Variants in RIGI observed in about 807,000 individuals in gnomAD.
RIGI encodes antiviral innate immune response receptor RIG-I.
At chr9:32,484,838 G>A in the RIGI span, among the ~76,000 whole-genome samples, 1 of 152,152 alleles carries the variant, frequency 6.6e-6, no homozygotes, top group Non-Finnish European at 1.5e-5. Flanking sequence ...ATATAAATCT[G>A]AGCCAGTAGA....
the RIGI span, chr9:32,491,291 T>TA: frequency 6.2e-7 from 1 of 1,612,664 alleles, no homozygotes; most frequent in South Asian, 1.1e-5. Flanking sequence ...GGACAAACAA[T>TA]ACCAGGTACC....
chr9:32,510,111 G>C, the RIGI span, among the ~76,000 whole-genome samples: 1 of 152,150 alleles, frequency 6.6e-6, no homozygotes, highest in African/African-American at 2.4e-5. Context: ...ACCTATGTTT[G>C]ATTGGTGTAC....
chr9:32,496,511 T>G, the RIGI span, among the ~76,000 whole-genome samples: 1 of 152,208 alleles, frequency 6.6e-6, no homozygotes, highest in Non-Finnish European at 1.5e-5. Context: ...CATCATTTCT[T>G]TTGCCCTTGG....
the RIGI span, chr9:32,467,674 C>T: frequency 1.5e-6 from 2 of 1,328,152 alleles, no homozygotes; most frequent in East Asian, 4.8e-5. Flanking sequence ...AACCATGGCT[C>T]AGTAAAGAGA....
chr9:32,516,219 CCA>C, the RIGI span, among the ~76,000 whole-genome samples: 3 of 151,224 alleles, frequency 2.0e-5, no homozygotes, highest in Non-Finnish European at 2.9e-5. Context: ...TCCTGTTTTC[CCA>C]CACAGTTACA....
chr9:32,468,001 C>T, the RIGI span: 1 of 1,405,092 alleles, frequency 7.1e-7, no homozygotes, highest in Admixed American at 2.2e-5. Flanking sequence ...AAAACAGCTA[C>T]TAATTATGGA....
the RIGI span, among the ~76,000 whole-genome samples, chr9:32,461,112 T>C: frequency 6.6e-6 from 1 of 151,136 alleles, no homozygotes; most frequent in Non-Finnish European, 1.5e-5. Flanking sequence ...GATTTGTCAT[T>C]AGAAACGATG....
chr9:32,522,957 C>T, the RIGI span, among the ~76,000 whole-genome samples: 2,996 of 152,258 alleles, frequency 0.02, 107 homozygotes, highest in African/African-American at 0.067. Context: ...GACCCCCAGG[C>T]CTCTCAAAAG....
At chr9:32,458,115 G>A in the RIGI span, among the ~76,000 whole-genome samples, 11 of 152,232 alleles carry the variant, frequency 7.2e-5, no homozygotes, top group Non-Finnish European at 1.3e-4. Flanking sequence ...GAAGACGAAC[G>A]GAACATCCTG....
the RIGI span, chr9:32,485,112 G>C: frequency 8.2e-7 from 1 of 1,216,186 alleles, no homozygotes; most frequent in Non-Finnish European, 1.2e-6. Flanking sequence ...ACAAAAAGAC[G>C]ATAGTGAACA....
the RIGI span, chr9:32,488,969 C>G: frequency 2.6e-6 from 3 of 1,150,264 alleles, no homozygotes; most frequent in Non-Finnish European, 3.6e-6. Flanking sequence ...TTTGGCTCTT[C>G]TAATACCACT....
chr9:32,465,540 T>G, the RIGI span, among the ~76,000 whole-genome samples: 14 of 152,310 alleles, frequency 9.2e-5, no homozygotes, highest in East Asian at 1.9e-3. Flanking sequence ...TACATCTCAT[T>G]TATCCTCATG....
the RIGI span, among the ~76,000 whole-genome samples, chr9:32,502,915 AC>A: frequency 6.6e-6 from 1 of 152,130 alleles, no homozygotes; most frequent in African/African-American, 2.4e-5. Flanking sequence ...CTCTAGTATG[AC>A]CTCATCGTAA....
the RIGI span, chr9:32,487,579 C>T: frequency 6.2e-7 from 1 of 1,614,046 alleles, no homozygotes; most frequent in Non-Finnish European, 8.5e-7. Context: ...TAATCCAAGG[C>T]TTCATCTGTG....
chr9:32,465,400 C>T, the RIGI span, among the ~76,000 whole-genome samples: 1 of 152,156 alleles, frequency 6.6e-6, no homozygotes, highest in Non-Finnish European at 1.5e-5. Flanking sequence ...ATTATAGACA[C>T]TATGGAGTTG....
At chr9:32,458,425 G>C in the RIGI span, among the ~76,000 whole-genome samples, 4 of 152,164 alleles carry the variant, frequency 2.6e-5, no homozygotes, top group African/African-American at 9.6e-5. Context: ...ATACATTTTG[G>C]TATAGTTCCC....
the RIGI span, among the ~76,000 whole-genome samples, chr9:32,515,674 A>AC: frequency 2.0e-5 from 3 of 152,158 alleles, no homozygotes; most frequent in Middle Eastern, 3.4e-3. Context: ...TCCTGAGTCT[A>AC]CTCTTGCAGT....
chr9:32,475,126 A>G, the RIGI span, among the ~76,000 whole-genome samples: 2 of 151,868 alleles, frequency 1.3e-5, no homozygotes, highest in East Asian at 3.9e-4. Flanking sequence ...TAATTTTTGT[A>G]TTTTTAGTAG....
the RIGI span, among the ~76,000 whole-genome samples, chr9:32,498,676 T>A: frequency 9.4e-4 from 143 of 152,224 alleles, no homozygotes; most frequent in Non-Finnish European, 7.9e-4. Context: ...GAACCTACTA[T>A]CCAACTTAAG....
Sources: allele counts gnomAD v4.1 joint callset (sites outside exome capture counted in the v4.1 genomes callset), GRCh38; gene constraint gnomAD v4.1.1; transcripts MANE v1.5; gene names NCBI Gene and HGNC (gene_info 2026-07-23, HGNC 2026-07-21).